Variants in SLC6A11 observed in about 807,000 individuals in gnomAD.
The protein encoded by SLC6A11 is sodium- and chloride-dependent GABA transporter 3.
SLC6A11 carries 25 observed loss-of-function variants against 74.8 expected under a neutral mutation model. The observed-to-expected ratio is 0.33, with a 90% CI of 0.24 to 0.47. The LOEUF (loss-of-function observed/expected upper bound fraction) is 0.47. Ranked by LOEUF, SLC6A11 falls within the 20% of genes least tolerant of loss-of-function variation. SLC6A11 has a pLI of 1.00. For missense variants in SLC6A11, 574 were observed against 837.0 expected (o/e 0.69, Z 3.88); for synonymous variants, 330 against 330.2 (o/e 1.00, Z 0.01).
chr3:10,929,461 C>T (rs1695654592), intron 10 of SLC6A11, 122 bp downstream of exon 10: 7 of 1,036,424 alleles, frequency 6.8e-6, no homozygotes, highest in Non-Finnish European at 1.0e-5. Flanking sequence ...TCGGTTTATG[C>T]TTCCTCCTAG....
chr3:10,919,766 C>T (rs1695511748), intron 8 of SLC6A11, among the ~76,000 whole-genome samples: 1 of 152,212 alleles, frequency 6.6e-6, no homozygotes. Flanking sequence ...CTGTTACACA[C>T]ATCATCTCAC....
intron 5 of SLC6A11, among the ~76,000 whole-genome samples, chr3:10,856,186 G>C (rs1694636667): frequency 6.6e-6 from 1 of 152,242 alleles, no homozygotes; most frequent in Admixed American, 6.5e-5. Context: ...TTGGGGAAGA[G>C]GAGTGACAAT....
At chr3:10,855,868 C>T (rs1193760838) in intron 5 of SLC6A11, among the ~76,000 whole-genome samples, 1 of 152,206 alleles carries the variant, frequency 6.6e-6, no homozygotes, top group East Asian at 1.9e-4. Context: ...AACCTCCTTC[C>T]CTTTTCCCTC....
rs1694404689 is a variant in SLC6A11 at position 10,839,066 on chromosome 3, G to A, written c.624-5148G>A. Among the ~76,000 whole-genome samples, 3 of 152,128 alleles carry A rather than the reference G, an allele frequency of 2.0e-5. No homozygotes were observed. The South Asian group carries it at 6.2e-4, about 32-fold the overall frequency. On this transcript the variant is annotated intron_variant, in intron 4 of 13. Transcript: ENST00000254488. ...TGGATGGCCTAACACCTCCACCTGT[G>A]GATTCTGTCCCTGCCACCATCGTAA... is the stretch of plus-strand genomic sequence containing the variant.
chr3:10,887,114 TGGATGGAA>T (rs1220441002), intron 6 of SLC6A11, among the ~76,000 whole-genome samples: 3 of 151,118 alleles, frequency 2.0e-5, no homozygotes, highest in Non-Finnish European at 4.4e-5. Flanking sequence ...GATGGATGGA[TGGATGGAA>T]GGAAGGATGC....
chr3:10,838,522 G>A (rs188838203), intron 4 of SLC6A11, among the ~76,000 whole-genome samples: 47 of 152,322 alleles, frequency 3.1e-4, no homozygotes, highest in South Asian at 8.3e-4. Flanking sequence ...GCCAGGATAG[G>A]AGGATCACTT....
At chr3:10,924,021 G>C (rs1354084812) in intron 8 of SLC6A11, among the ~76,000 whole-genome samples, 1 of 152,120 alleles carries the variant, frequency 6.6e-6, no homozygotes, top group East Asian at 1.9e-4. Context: ...CAAAAATGTT[G>C]AGTTTAGCAA....
intron 3 of SLC6A11, among the ~76,000 whole-genome samples, chr3:10,822,831 C>T (rs564559653): frequency 7.9e-5 from 12 of 152,294 alleles, no homozygotes; most frequent in African/African-American, 2.9e-4. Flanking sequence ...CCAATCATCA[C>T]GTCTTGATGA....
At chr3:10,873,608 T>G (rs971456306) in intron 5 of SLC6A11, among the ~76,000 whole-genome samples, 78 of 133,962 alleles carry the variant, frequency 5.8e-4, no homozygotes, top group Admixed American at 2.6e-3. Flanking sequence ...TCCTATCCTA[T>G]GCCATGCTAT....
intron 4 of SLC6A11, among the ~76,000 whole-genome samples, chr3:10,841,811 G>T (rs759535983): frequency 2.6e-5 from 4 of 152,222 alleles, no homozygotes; most frequent in Non-Finnish European, 5.9e-5. Context: ...GTCTGTGTGT[G>T]TGTGTGCGTG....
chr3:10,880,679 G>A (rs1021439818), intron 6 of SLC6A11, among the ~76,000 whole-genome samples: 2 of 152,200 alleles, frequency 1.3e-5, no homozygotes, highest in Non-Finnish European at 2.9e-5. Context: ...CTTGGAGGAT[G>A]AGGGTGAGCT....
chr3:10,860,441 A>G (rs1694689797), intron 5 of SLC6A11, among the ~76,000 whole-genome samples: 1 of 152,224 alleles, frequency 6.6e-6, no homozygotes, highest in African/African-American at 2.4e-5. Flanking sequence ...GACAGCCAGG[A>G]TGAGAATGCA....
chr3:10,910,092 C>T (rs551677588), intron 6 of SLC6A11, among the ~76,000 whole-genome samples: 15 of 152,316 alleles, frequency 9.8e-5, no homozygotes, highest in African/African-American at 3.6e-4. Context: ...CCTGCCCCTG[C>T]ACTTCATGAA....
intron 5 of SLC6A11, among the ~76,000 whole-genome samples, chr3:10,855,346 G>C (rs1559561300): frequency 6.6e-6 from 1 of 152,144 alleles, no homozygotes; most frequent in African/African-American, 2.4e-5. Context: ...GCAACTTTCT[G>C]CCTCTAGAAT....
intron 5 of SLC6A11, among the ~76,000 whole-genome samples, chr3:10,854,935 G>A (rs1271840579): frequency 6.6e-6 from 1 of 152,168 alleles, no homozygotes; most frequent in Non-Finnish European, 1.5e-5. Context: ...GTGAATAGAT[G>A]GATGGGTGCG....
intron 6 of SLC6A11, among the ~76,000 whole-genome samples, chr3:10,907,156 G>T (rs1190174240): frequency 1.3e-5 from 2 of 152,032 alleles, no homozygotes; most frequent in African/African-American, 4.8e-5. Flanking sequence ...ACACTATGAG[G>T]CAAATAGCAT....
intron 4 of SLC6A11, among the ~76,000 whole-genome samples, chr3:10,843,552 C>T (rs1024765086): frequency 8.5e-5 from 13 of 152,192 alleles, no homozygotes; most frequent in African/African-American, 3.1e-4. Flanking sequence ...CCCCCTGTAG[C>T]AGTCAGGATA....
At chr3:10,931,301 C>T (rs774227873) in intron 10 of SLC6A11, among the ~76,000 whole-genome samples, 11 of 152,196 alleles carry the variant, frequency 7.2e-5, no homozygotes, top group Admixed American at 2.6e-4. Context: ...ACACAGGAAG[C>T]GGTTTAACAC....
intron 6 of SLC6A11, among the ~76,000 whole-genome samples, chr3:10,905,288 G>A (rs1695288662): frequency 6.6e-6 from 1 of 152,198 alleles, no homozygotes; most frequent in African/African-American, 2.4e-5. Flanking sequence ...CAAGTCACTT[G>A]GGTGTGGCCA....
Sources: gnomAD v4.1 joint callset for allele counts (sites outside exome capture counted in the v4.1 genomes callset) on GRCh38, gnomAD v4.1.1 for gene constraint, MANE v1.5 for transcripts, NCBI Gene and HGNC (gene_info 2026-07-23, HGNC 2026-07-21) for gene names.